ARAP2: variants seen among roughly 807,000 people sequenced by gnomAD.
The protein encoded by ARAP2 is ArfGAP with RhoGAP domain, ankyrin repeat and PH domain 2, also known as arf-GAP with Rho-GAP domain, ANK repeat and PH domain-containing protein 2.
In ARAP2, 148 loss-of-function variants were observed where a neutral mutation model predicts 194.5. The observed-to-expected ratio is 0.76, with a 90% CI of 0.67 to 0.87. The LOEUF (loss-of-function observed/expected upper bound fraction) is 0.87. Ranked by LOEUF, ARAP2 falls within the 40% of genes least tolerant of loss-of-function variation. ARAP2 has a pLI of 0.00. For missense variants in ARAP2, 2,128 were observed against 1,989.7 expected (o/e 1.07, Z -1.32); for synonymous variants, 695 against 683.5 (o/e 1.02, Z -0.26).
At chr4:36,062,631 AGAGT>A (rs1397227950), downstream of ARAP2, among the ~76,000 whole-genome samples, 1 of 120,532 alleles carries the variant, frequency 8.3e-6, no homozygotes, top group Non-Finnish European at 1.9e-5. Context: ...AATTTGTGTG[AGAGT>A]GTGTGTGTGT....
chr4:36,019,720 G>C (rs1351292821), intron 5 of ARAP2, among the ~76,000 whole-genome samples: 1 of 152,080 alleles, frequency 6.6e-6, no homozygotes, highest in Non-Finnish European at 1.5e-5. Context: ...AGTATATGAA[G>C]AACTGAATTA....
intron 6 of ARAP2, among the ~76,000 whole-genome samples, chr4:36,197,639 C>T (rs981480760): frequency 2.0e-5 from 3 of 152,210 alleles, no homozygotes; most frequent in African/African-American, 7.2e-5. Context: ...GATCCCATCA[C>T]TGCCAACGGC....
Position 36,147,607 on chromosome 4 carries a change from C to G in ARAP2, c.3140G>C (p.Cys1047Ser). Residue 1047 changes from cysteine (C) to serine (S), a missense_variant, in exon 18 of 33, where the codon TGC becomes TCC. Transcript: ENST00000303965. ...FAMDKSSLHFCLQMQEVQGDR... is the reference protein window; with the variant it reads ...FAMDKSSLHFSLQMQEVQGDR... Reference sequence around the variant, plus strand: ...TCCCTGAACTTCTTGCATTTGAAGGCAAAAATGCAAGCTGGATTTGTCCAT... The same window carrying G: ...TCCCTGAACTTCTTGCATTTGAAGGGAAAAATGCAAGCTGGATTTGTCCAT... 1 of 1,613,522 alleles carries G rather than the reference C, an allele frequency of 6.2e-7. No individual in the cohort carries two copies. The highest frequency in any genetic ancestry group is 8.5e-7 in the Non-Finnish European group (1 of 1,179,662).
chr4:36,044,973 G>A (rs117595624), intron 5 of ARAP2, among the ~76,000 whole-genome samples: 19 of 151,922 alleles, frequency 1.3e-4, no homozygotes, highest in African/African-American at 4.6e-4. Context: ...TAATCATCAG[G>A]GGAATACAAA....
chr4:36,196,512 C>T (rs556084776), intron 6 of ARAP2, among the ~76,000 whole-genome samples: 2 of 152,198 alleles, frequency 1.3e-5, no homozygotes, highest in South Asian at 4.2e-4. Context: ...TTTTCAACTG[C>T]CAGGTGACTA....
chr4:36,133,860 T>A (rs1434023697), intron 19 of ARAP2, among the ~76,000 whole-genome samples: 2 of 151,786 alleles, frequency 1.3e-5, no homozygotes, highest in Non-Finnish European at 1.5e-5. Flanking sequence ...AATGGCAAAG[T>A]TGTAACCTCA....
At chr4:36,192,273 A>G (rs1258799808) in intron 7 of ARAP2, among the ~76,000 whole-genome samples, 2 of 151,190 alleles carry the variant, frequency 1.3e-5, no homozygotes, top group African/African-American at 4.9e-5. Context: ...TTTAATATTA[A>G]GCTAAATGAT....
chr4:36,148,627 A>AG (rs1730217176), intron 16 of ARAP2, 120 bp from the exon 17 acceptor site: 1 of 711,878 alleles, frequency 1.4e-6, no homozygotes, highest in Non-Finnish European at 2.3e-6. Context: ...TTATGAAATC[A>AG]TCCTATTAGA....
At chr4:36,179,033 C>A (rs936158926) in intron 8 of ARAP2, among the ~76,000 whole-genome samples, 3 of 152,140 alleles carry the variant, frequency 2.0e-5, no homozygotes, top group Non-Finnish European at 4.4e-5. Context: ...ACATTTATAA[C>A]TCTGAACTCA....
In ARAP2 at chr4:36,161,531, T is replaced by G. The variant is rs770341013; in HGVS notation, c.2193A>C (p.Gly731=). 2.5e-6 allele frequency: 4 copies of G among 1,613,330 alleles called. No individual in the cohort carries two copies. Among genetic ancestry groups the G allele is most frequent in the Middle Eastern group, 3.3e-4 (2 of 6,084 alleles). ...KKCAGQHRSL[G]PKDSKVRSLK... ...GACTTCTAACCTTGGAATCTTTTGG[T>G]CCTAAAGATCTATGCTGTCCTAGAG... The change falls in exon 12 of 33, where the codon GGA becomes GGC. Residue 731 remains glycine (G), a synonymous_variant. Transcript: ENST00000303965.
downstream of ARAP2, among the ~76,000 whole-genome samples, chr4:36,062,076 T>C (rs1455345897): frequency 6.6e-6 from 1 of 152,226 alleles, no homozygotes. Flanking sequence ...TTTGCAAATA[T>C]TTTTTGCCAT....
intron 1 of ARAP2, among the ~76,000 whole-genome samples, chr4:36,239,633 T>C (rs1489909280): frequency 6.6e-6 from 1 of 152,012 alleles, no homozygotes; most frequent in African/African-American, 2.4e-5. Context: ...AGGTAAGGAG[T>C]TGTTTAACAA....
chr4:36,119,948 A>T (rs1722298310), intron 23 of ARAP2, among the ~76,000 whole-genome samples: 1 of 151,542 alleles, frequency 6.6e-6, no homozygotes, highest in African/African-American at 2.4e-5. Flanking sequence ...CTGCAATTGC[A>T]TTGATGGAAG....
In ARAP2 at chr4:36,229,223, G is replaced by A. The variant is rs560719983; in HGVS notation, c.264C>T (p.Asp88=). ...ATGGAACATGGTAATCCTTTGAAGG[G>A]TCATCATTCTTCTTAGTTTTATGAA... ...ANVHKTKKND[D]PSKDYHVPSS... is the part of the protein sequence containing the mutation. The change falls in exon 2 of 33, where the codon GAC becomes GAT. Residue 88 remains aspartate (D), a synonymous_variant. Transcript: ENST00000303965. 2.8e-5 allele frequency: 45 copies of A among 1,613,898 alleles called. No individual in the cohort carries two copies. The highest frequency in any genetic ancestry group is 3.7e-5 in the Non-Finnish European group (44 of 1,179,976).
chr4:36,016,834 G>A (rs1284958273), intron 6 of ARAP2, among the ~76,000 whole-genome samples: 1 of 152,024 alleles, frequency 6.6e-6, no homozygotes, highest in African/African-American at 2.4e-5. Flanking sequence ...TATATTCTTT[G>A]AGAGACCTCT....
Position 36,058,742 on chromosome 4 carries a change from A to T in ARAP2, n.148-599T>A, listed in dbSNP as rs371902478. 3.9e-4 allele frequency among the ~76,000 whole-genome samples: 59 copies of T among 152,334 alleles called. 3 individuals are homozygous for T. The South Asian group carries it at 5.6e-3, about 14-fold the overall frequency. On this transcript the variant is annotated intron_variant and non_coding_transcript_variant, in intron 1 of 12. Transcript: ENST00000503225. Reference sequence around the variant, plus strand: ...ACAAGCACTATTTTAGATTCTAGGAATACAGTGGTTAATCTAAGACTTTGC... The same window carrying T: ...ACAAGCACTATTTTAGATTCTAGGATTACAGTGGTTAATCTAAGACTTTGC...
At chr4:36,118,480 T>G (rs1721935806) in intron 24 of ARAP2, among the ~76,000 whole-genome samples, 1 of 151,320 alleles carries the variant, frequency 6.6e-6, no homozygotes, top group African/African-American at 2.4e-5. Flanking sequence ...CCCAGACTCT[T>G]TTACTTATCT....
intron 2 of ARAP2, among the ~76,000 whole-genome samples, chr4:36,222,001 T>C (rs1003382621): frequency 2.6e-5 from 4 of 152,164 alleles, no homozygotes; most frequent in South Asian, 2.1e-4. Flanking sequence ...AAGATCAATT[T>C]TGTCTTTCTT....
At chr4:36,224,772 A>G (rs1749927031) in intron 2 of ARAP2, among the ~76,000 whole-genome samples, 1 of 152,138 alleles carries the variant, frequency 6.6e-6, no homozygotes, top group African/African-American at 2.4e-5. Flanking sequence ...GCCTTTTTTC[A>G]TAGAATTTAA....
Sources: allele counts gnomAD v4.1 joint callset (sites outside exome capture counted in the v4.1 genomes callset), GRCh38; gene constraint gnomAD v4.1.1; transcripts MANE v1.5; gene names NCBI Gene and HGNC (gene_info 2026-07-23, HGNC 2026-07-21).